The following FARP1 variants were observed in gnomAD, a reference collection of about 807,000 sequenced individuals.
FARP1 encodes the protein FERM, ARH/RhoGEF and pleckstrin domain protein 1.
FARP1 carries 52 observed loss-of-function variants against 128.8 expected under a neutral mutation model. That is an observed-to-expected ratio of 0.40 (90% CI 0.32 to 0.51). The LOEUF (loss-of-function observed/expected upper bound fraction) is 0.51, where lower values mean the gene tolerates loss of function less well. Ranked by LOEUF, FARP1 falls within the 20% of genes least tolerant of loss-of-function variation. The probability of loss-of-function intolerance (pLI) is 0.45; values close to 1 mark genes in which losing one functional copy is unlikely to be tolerated. For missense variants in FARP1, 1,333 were observed against 1,367.9 expected (o/e 0.97, Z 0.40); for synonymous variants, 580 against 551.8 (o/e 1.05, Z -0.72).
chr13:98,384,755 C>T lies in FARP1; in HGVS notation c.522C>T (p.Ala174=). The T allele has an allele frequency of 2.5e-6, 4 of 1,612,754 alleles. 1 individual carries two copies. In the South Asian group the frequency reaches 4.4e-5, roughly 18 times the overall value. Residue 174 remains alanine, a synonymous_variant, in exon 7 of 27, where the codon GCC becomes GCT. Coordinates refer to ENST00000319562, the MANE Select transcript of FARP1 (RefSeq NM_005766.4). ...VQSEIGDFDE[A]LDREHLAKNK... is the part of the protein sequence containing the mutation. ...CTGAGATTGGGGATTTTGATGAAGCCTTGGACAGAGAGCACTTAGCAAAAA... is the reference window on the plus strand; with the variant it reads ...CTGAGATTGGGGATTTTGATGAAGCTTTGGACAGAGAGCACTTAGCAAAAA...
At chr13:98,191,653 A>G (rs913291914) in intron 1 of FARP1, among the ~76,000 whole-genome samples, 4 of 152,158 alleles carry the variant, frequency 2.6e-5, no homozygotes, top group Admixed American at 6.5e-5. Context: ...TCTTAGTTAA[A>G]TAAATTTGGC....
chr13:98,378,066 G>GA (rs1346927337), intron 6 of FARP1, 148 bp downstream of exon 6: 2 of 627,264 alleles, frequency 3.2e-6, no homozygotes, highest in African/African-American at 1.8e-5. Flanking sequence ...GGGTGGAAGA[G>GA]AAAAACAATA....
intron 11 of FARP1, among the ~76,000 whole-genome samples, chr13:98,393,141 T>A (rs997883923): frequency 1.3e-5 from 2 of 152,228 alleles, no homozygotes; most frequent in African/African-American, 2.4e-5. Context: ...AGTCAGTTCC[T>A]TCTACTGTTG....
intron 2 of FARP1, among the ~76,000 whole-genome samples, chr13:98,260,374 T>A (rs996674266): frequency 1.3e-5 from 2 of 152,240 alleles, no homozygotes; most frequent in African/African-American, 4.8e-5. Context: ...GAAACACTGC[T>A]TCATTTAACA....
intron 26 of FARP1, chr13:98,447,141 G>C: frequency 1.3e-5 from 3 of 231,440 alleles, no homozygotes; most frequent in South Asian, 7.8e-5. Flanking sequence ...GGCAGGGACT[G>C]CAGACTTCAT....
intron 1 of FARP1, among the ~76,000 whole-genome samples, chr13:98,190,069 G>A (rs573183400): frequency 8.5e-5 from 13 of 152,104 alleles, no homozygotes; most frequent in African/African-American, 2.4e-4. Context: ...TCCCTGCACC[G>A]TTGGTTCTCT....
intron 3 of FARP1, among the ~76,000 whole-genome samples, chr13:98,349,513 A>G (rs546170747): frequency 6.6e-6 from 1 of 151,900 alleles, no homozygotes; most frequent in Non-Finnish European, 1.5e-5. Context: ...CTCTACTAAA[A>G]ATACAAAAAT....
intron 2 of FARP1, among the ~76,000 whole-genome samples, chr13:98,272,593 GT>G (rs1884442739): frequency 6.6e-6 from 1 of 152,118 alleles, no homozygotes; most frequent in Admixed American, 6.5e-5. Flanking sequence ...CACTTGTTTG[GT>G]TGCAGTTTTG....
Position 98,176,542 on chromosome 13 carries a change from T to C in FARP1, c.-24+33050T>C. On this transcript the variant is annotated intron_variant, in intron 1 of 26. Transcript: ENST00000319562. The surrounding 1 kb of genome is among the most constrained non-coding windows in gnomAD (Gnocchi z 6.2). ...GTCCTCGCAGATACAGTAGCGACCC[T>C]CTTCAAGCTCCCGTTCAATCTCCCA... 6 of 1,614,190 alleles carry C rather than the reference T, an allele frequency of 3.7e-6. No homozygotes were observed. The highest frequency in any genetic ancestry group is 5.1e-6 in the Non-Finnish European group (6 of 1,180,030).
rs1179760504 is a variant in FARP1 at position 98,202,633 on chromosome 13, A to G, written c.-23-10587A>G. ...CGATTTATGCTCTCAGTGGGGCAGG[A>G]GTAGTTGGTAGGAGTGTGTGCTTTT... On this transcript the variant is annotated intron_variant, in intron 1 of 26. Coordinates refer to ENST00000319562, the MANE Select transcript of FARP1 (RefSeq NM_005766.4). Among the ~76,000 whole-genome samples the G allele has an allele frequency of 5.3e-5, 8 of 152,264 alleles. No homozygotes were observed. In the East Asian group the frequency reaches 1.5e-3, roughly 29 times the overall value.
chr13:98,395,808 C>T (rs1190264601), intron 13 of FARP1: 2 of 403,048 alleles, frequency 5.0e-6, no homozygotes, highest in South Asian at 1.2e-4. Context: ...CAAGGCATAG[C>T]TCTCTCATAG....
chr13:98,311,780 A>G (rs7318649), intron 2 of FARP1, among the ~76,000 whole-genome samples: 67,720 of 151,946 alleles, frequency 0.45, 17,912 homozygotes, highest in Non-Finnish European at 0.6. Context: ...TGGCTACCGT[A>G]ATGATGGGTT....
At chr13:98,254,124 G>C (rs1883478625) in intron 2 of FARP1, among the ~76,000 whole-genome samples, 1 of 152,178 alleles carries the variant, frequency 6.6e-6, no homozygotes, top group Non-Finnish European at 1.5e-5. Flanking sequence ...GATAATCTGA[G>C]CGGGCAGTCG....
Position 98,402,087 on chromosome 13 carries a change from A to T in FARP1, c.1414+6611A>T, listed in dbSNP as rs1156621366. On this transcript the variant is annotated intron_variant, in intron 13 of 26. Transcript: ENST00000319562. Reference sequence around the variant, plus strand: ...ACTTGCCACGGGATATCTGATCTCCATGAGTAGTTGAAAGCCAGTCTAAAA... The same window carrying T: ...ACTTGCCACGGGATATCTGATCTCCTTGAGTAGTTGAAAGCCAGTCTAAAA... 8 of 152,352 alleles carry T rather than the reference A, an allele frequency of 5.3e-5. No individual in the cohort carries two copies. In the East Asian group the frequency reaches 1.4e-3, roughly 26 times the overall value. The allele number at this position is 152,352 out of a possible 1,614,324, so 9.4% of individuals were successfully genotyped here. A position where few individuals can be genotyped will look rare whatever the true frequency, so the allele number is the denominator to read the frequency against.
At chr13:98,395,674 C>A in intron 13 of FARP1, 198 bp downstream of exon 13, 1 of 610,444 alleles carries the variant, frequency 1.6e-6, no homozygotes, top group Non-Finnish European at 2.6e-6. Flanking sequence ...GGAGGAGGGG[C>A]GAAGAGAGGC....
chr13:98,187,891 TATGAC>T (rs1878981717), intron 1 of FARP1, among the ~76,000 whole-genome samples: 3 of 152,218 alleles, frequency 2.0e-5, no homozygotes, highest in Non-Finnish European at 4.4e-5. Context: ...TGCTGTTCAG[TATGAC>T]ATGTAATAAA....
rs184501738 is a variant in FARP1 at position 98,404,658 on chromosome 13, T to A, written c.1415-4680T>A. The A allele has an allele frequency of 5.9e-5, 9 of 152,274 alleles. No homozygotes were observed. In the East Asian group the frequency reaches 1.5e-3, roughly 26 times the overall value. The allele number at this position is 152,274 out of a possible 1,614,324, so 9.4% of individuals were successfully genotyped here. ...ATATTCTGGGCACATAGAGAGAAAA[T>A]CTCCTATGTTTTAGAACAGAATAAA... On this transcript the variant is annotated intron_variant, in intron 13 of 26. Coordinates refer to ENST00000319562, the MANE Select transcript of FARP1 (RefSeq NM_005766.4).
chr13:98,245,431 C>A, intron 2 of FARP1: 1 of 670,186 alleles, frequency 1.5e-6, no homozygotes, highest in Non-Finnish European at 1.8e-6. Flanking sequence ...AAATCATACA[C>A]TGCAGCAACT....
At chr13:98,434,111 G>GCTTA (rs1454997716) in intron 18 of FARP1, 1 of 152,296 alleles carries the variant, frequency 6.6e-6, no homozygotes, top group African/African-American at 2.4e-5. Flanking sequence ...GTGCTAGCTA[G>GCTTA]CTTAAAGCAT....
Sources: allele counts gnomAD v4.1 joint callset (sites outside exome capture counted in the v4.1 genomes callset), GRCh38; gene constraint gnomAD v4.1.1; non-coding constraint Gnocchi (gnomAD v3.1); transcripts MANE v1.5; gene names NCBI Gene and HGNC (gene_info 2026-07-23, HGNC 2026-07-21).